The following MAD1L1 variants were observed in gnomAD, a reference collection of about 807,000 sequenced individuals.
MAD1L1 encodes the protein mitotic spindle assembly checkpoint protein MAD1.
A neutral mutation model predicts 96.9 loss-of-function variants in MAD1L1; 95 were observed. The ratio of observed to expected loss-of-function variants is 0.98; its 90% CI spans 0.83 to 1.16. The LOEUF (loss-of-function observed/expected upper bound fraction) is 1.16, where lower values mean the gene tolerates loss of function less well. Ranked by LOEUF, MAD1L1 falls within the 50% of genes most tolerant of loss-of-function variation. MAD1L1 has a pLI of 0.00. For synonymous variants in MAD1L1, 473 were observed against 396.6 expected, an observed-to-expected ratio of 1.19 and a Z score of -2.29; for missense variants, 1,007 against 954.4, an observed-to-expected ratio of 1.06 and a Z score of -0.73.
chr7:2,169,527 A>G (rs1790604014), intron 10 of MAD1L1, among the ~76,000 whole-genome samples: 1 of 152,258 alleles, frequency 6.6e-6, no homozygotes, highest in Admixed American at 6.5e-5. Context: ...AGCTGTGCAC[A>G]TTAGCAAAGG....
intron 18 of MAD1L1, among the ~76,000 whole-genome samples, chr7:1,820,003 C>T (rs1023081054): frequency 4.6e-5 from 7 of 152,050 alleles, no homozygotes; most frequent in African/African-American, 1.2e-4. Context: ...TGAGAAGACA[C>T]GCAGGAAATG....
chr7:1,932,191 C>T (rs1166844377), intron 17 of MAD1L1, among the ~76,000 whole-genome samples: 5 of 152,108 alleles, frequency 3.3e-5, no homozygotes, highest in Admixed American at 6.5e-5. Context: ...AACTCTGGCC[C>T]GTTCTGGCCC....
chr7:1,824,683 G>A (rs1217252319), intron 18 of MAD1L1, among the ~76,000 whole-genome samples: 3 of 152,200 alleles, frequency 2.0e-5, no homozygotes, highest in Non-Finnish European at 4.4e-5. Flanking sequence ...GCATCTGCCG[G>A]GGCAGCCATA....
At chr7:1,943,415 C>T (rs1252870990) in intron 16 of MAD1L1, among the ~76,000 whole-genome samples, 1 of 152,172 alleles carries the variant, frequency 6.6e-6, no homozygotes, top group South Asian at 2.1e-4. Flanking sequence ...CCCAGTGTCA[C>T]AATAGGCAAG....
rs1218696947 is a variant in MAD1L1 at position 2,142,329 on chromosome 7, A to G, written c.1073+6823T>C. Among the ~76,000 whole-genome samples the G allele has an allele frequency of 6.6e-6, 1 of 152,198 alleles. No homozygotes were observed. Among genetic ancestry groups the G allele is most frequent in the East Asian group, 1.9e-4 (1 of 5,188 alleles). ...TTCTAGAGACAGACAAGGAGCCTCA[A>G]AAGGCTGTCCCCTGGTGCAGGGCTG... On this transcript the variant is annotated intron_variant, in intron 11 of 18. Coordinates refer to ENST00000265854, the MANE Select transcript of MAD1L1 (RefSeq NM_001013836.2). The surrounding 1 kb of genome is among the most constrained non-coding windows in gnomAD (Gnocchi z 4.7).
chr7:1,947,102 C>T (rs1478821616), intron 16 of MAD1L1, among the ~76,000 whole-genome samples: 2 of 152,196 alleles, frequency 1.3e-5, no homozygotes, highest in South Asian at 2.1e-4. Flanking sequence ...ACCTCCCTTC[C>T]GGCCAAAATG....
intron 18 of MAD1L1, among the ~76,000 whole-genome samples, chr7:1,843,362 G>A (rs987364737): frequency 6.6e-5 from 10 of 152,128 alleles, no homozygotes; most frequent in African/African-American, 2.4e-4. Flanking sequence ...CTGCGCAGAC[G>A]TCCCTCACGG....
At chr7:2,100,644 C>A (rs920166952) in intron 11 of MAD1L1, among the ~76,000 whole-genome samples, 2 of 152,254 alleles carry the variant, frequency 1.3e-5, no homozygotes, top group Non-Finnish European at 2.9e-5. Flanking sequence ...TGGAAACGGC[C>A]GCACTGGGCC....
At chr7:1,820,941 T>G (rs1226250859) in intron 18 of MAD1L1, among the ~76,000 whole-genome samples, 1 of 151,076 alleles carries the variant, frequency 6.6e-6, no homozygotes. Context: ...ATTAGCCGGG[T>G]GTGGTGGCGG....
chr7:2,093,821 C>T lies in MAD1L1; in HGVS notation c.1074-24483G>A, dbSNP rs1262952788. 4.6e-5 allele frequency among the ~76,000 whole-genome samples: 7 copies of T among 152,220 alleles called. No homozygotes were observed. The East Asian group carries it at 5.8e-4, about 13-fold the overall frequency. The stretch of plus-strand genomic sequence containing the variant: ...GAGCACGGAACGCGGAACCCAGGAA[C>T]GCAGACAAAGCCACTGTGGGGCACG... On this transcript the variant is annotated intron_variant, in intron 11 of 18. Coordinates refer to ENST00000265854, the MANE Select transcript of MAD1L1 (RefSeq NM_001013836.2).
Position 1,816,017 on chromosome 7 carries a change from C to T in MAD1L1, c.*53G>A. ...AGCCTGTGGCTGGCGGGGCAGGGGA[C>T]CTGCAGGTCAGGCCAAGCAGAGTGG... is the stretch of plus-strand genomic sequence containing the variant. On this transcript the variant is annotated 3_prime_UTR_variant, in exon 19 of 19. Coordinates refer to ENST00000265854, the MANE Select transcript of MAD1L1 (RefSeq NM_001013836.2). 6.6e-7 allele frequency: 1 copy of T among 1,523,982 alleles called. No individual in the cohort carries two copies. The highest frequency in any genetic ancestry group is 8.8e-7 in the Non-Finnish European group (1 of 1,134,244). 94.4% of individuals were successfully genotyped at this position (1,523,982 alleles called of 1,614,324 possible). A position where few individuals can be genotyped will look rare whatever the true frequency, so the allele number is the denominator to read the frequency against.
chr7:2,212,538 T>G (rs1793002495), intron 10 of MAD1L1, among the ~76,000 whole-genome samples: 1 of 152,184 alleles, frequency 6.6e-6, no homozygotes, highest in South Asian at 2.1e-4. Context: ...TCTGGTCATT[T>G]AGAAGTGTGT....
intron 18 of MAD1L1, chr7:1,848,857 T>C (rs1783787676): frequency 6.5e-6 from 1 of 154,546 alleles, no homozygotes; most frequent in Middle Eastern, 5.2e-4. Context: ...CAGAGGATTG[T>C]GTGCCCCCCA....
At chr7:2,201,952 C>G (rs1792330369) in intron 10 of MAD1L1, 1 of 152,416 alleles carries the variant, frequency 6.6e-6, no homozygotes, top group Admixed American at 6.5e-5. Flanking sequence ...TGCACCCCAG[C>G]CAGGGCCGTC....
At chr7:1,916,561 CAGTGAGCCCTCAAGGAAGGGACTCG>C (rs370627546) in intron 17 of MAD1L1, among the ~76,000 whole-genome samples, 16 of 152,348 alleles carry the variant, frequency 1.1e-4, no homozygotes, top group African/African-American at 3.6e-4. Context: ...GCCCAGCAGA[CAGTGAGCCCTCAAGGAAGGGACTCG>C]ACTTAGCCCC....
chr7:1,829,682 C>G (rs1462477814), intron 18 of MAD1L1: 1 of 144,438 alleles, frequency 6.9e-6, no homozygotes, highest in Non-Finnish European at 1.5e-5. Context: ...AAAGTGTAAA[C>G]TGAGAGATCT....
rs1188938882 is a variant in MAD1L1, at chr7:2,115,412, G to A, written c.1073+33740C>T. Among the ~76,000 whole-genome samples, 3 of 149,234 alleles carry A rather than the reference G, an allele frequency of 2.0e-5. No homozygotes were observed. In the East Asian group the frequency reaches 6.0e-4, roughly 30 times the overall value. On this transcript the variant is annotated intron_variant, in intron 11 of 18. Transcript: ENST00000265854. ...GAGGCGGTGGACAGGGTCCCCACGT[G>A]TTCTGGGGTCAGAGGAGGTGCTGGA...
chr7:1,901,710 T>C (rs1787256253), intron 17 of MAD1L1, among the ~76,000 whole-genome samples: 1 of 152,120 alleles, frequency 6.6e-6, no homozygotes, highest in Admixed American at 6.5e-5. Context: ...TCCGCTGACC[T>C]CCAGGGCTAC....
chr7:2,093,391 T>C (rs1209218030), intron 11 of MAD1L1, among the ~76,000 whole-genome samples: 4 of 152,060 alleles, frequency 2.6e-5, no homozygotes, highest in African/African-American at 7.2e-5. Flanking sequence ...TATTTTCTCC[T>C]AAAATCCCAT....
Sources: gnomAD v4.1 joint callset for allele counts (sites outside exome capture counted in the v4.1 genomes callset) on GRCh38, gnomAD v4.1.1 for gene constraint, Gnocchi (gnomAD v3.1) non-coding constraint, MANE v1.5 for transcripts, NCBI Gene and HGNC (gene_info 2026-07-23, HGNC 2026-07-21) for gene names.